Variants in TMEM214 observed in about 807,000 individuals in gnomAD.
TMEM214 encodes the protein transmembrane protein 214.
TMEM214 carries 71 observed loss-of-function variants against 89.8 expected under a neutral mutation model. The observed-to-expected ratio is 0.79, with a 90% CI of 0.65 to 0.96. The LOEUF is 0.96. Ranked by LOEUF, TMEM214 falls within the 40% of genes least tolerant of loss-of-function variation. The pLI, the probability that TMEM214 is intolerant of heterozygous loss-of-function variation, is 0.00. For missense variants in TMEM214, 754 were observed against 843.4 expected (o/e 0.89, Z 1.31); for synonymous variants, 332 against 349.5 (o/e 0.95, Z 0.56).
chr2:27,040,833 A>G lies in TMEM214; in HGVS notation c.2066A>G (p.Gln689Arg). 6.2e-7 allele frequency: 1 copy of G among 1,613,356 alleles called. No homozygotes were observed. Residue 689 changes from glutamine (Q) to arginine (R), a missense_variant, in exon 17 of 17, where the codon CAG becomes CGG. Gln to Arg is a conservative substitution (Grantham distance 43). Coordinates refer to ENST00000238788, the MANE Select transcript of TMEM214 (RefSeq NM_017727.5). Reference sequence around the variant, plus strand: ...TGGGCACTTGCCCTGATATCCCAGCAGTAGGCCCTGCCTTCCTGGCCACTG... The same window carrying G: ...TGGGCACTTGCCCTGATATCCCAGCGGTAGGCCCTGCCTTCCTGGCCACTG... ...LDWALALISQ[Q>R]
At position 27,037,267 on chromosome 2, in the gene TMEM214, C is replaced by G. The variant is rs138405054; in HGVS notation, c.1010+89C>G. 19 of 1,193,242 alleles carry G rather than the reference C, an allele frequency of 1.6e-5. No individual in the cohort carries two copies. The African/African-American group carries it at 2.1e-4, about 13-fold the overall frequency. The allele number at this position is 1,193,242 out of a possible 1,614,324, so 73.9% of individuals were successfully genotyped here. A position where few individuals can be genotyped will look rare whatever the true frequency, so the allele number is the denominator to read the frequency against. On this transcript the variant is annotated intron_variant, in intron 8 of 16. Coordinates refer to ENST00000238788, the MANE Select transcript of TMEM214 (RefSeq NM_017727.5). ...TCCCGTCTCTCCTTCCCCAGCCATCCTAGATCTGAGATTTGCAACCTGGAA... is the reference window on the plus strand; with the variant it reads ...TCCCGTCTCTCCTTCCCCAGCCATCGTAGATCTGAGATTTGCAACCTGGAA...
At chr2:27,039,665 C>T in intron 13 of TMEM214, 76 bp from the exon 14 acceptor site, 1 of 1,286,988 alleles carries the variant, frequency 7.8e-7, no homozygotes, top group Non-Finnish European at 1.1e-6. Context: ...TGTGCCTGCT[C>T]TGGGCCCTGT....
intron 1 of TMEM214, among the ~76,000 whole-genome samples, chr2:27,033,446 C>T (rs1385071668): frequency 6.6e-6 from 1 of 152,202 alleles, no homozygotes. Flanking sequence ...TCACTGCACA[C>T]ACTCTCCCAG....
At chr2:27,035,793 C>T in intron 4 of TMEM214, 65 bp downstream of exon 4, 1 of 1,609,002 alleles carries the variant, frequency 6.2e-7, no homozygotes, top group Non-Finnish European at 8.5e-7. Flanking sequence ...GCTTCCAGTA[C>T]CACTCAGTGG....
rs1388403253 is a variant in TMEM214, at chr2:27,033,088, G to A, written c.73G>A (p.Gly25Ser). ...GGGTCGGCGGCCTGGGGTCGGCGCC[G>A]GCGCCGGCGGCCGAGGAGGCGGCAG... ...KKGRRPGVGA[G>S]AGGRGGGRNR... Residue 25 changes from glycine to serine, a missense_variant, in exon 1 of 17, where the codon GGC becomes AGC. Transcript: ENST00000238788. 6 of 1,238,286 alleles carry A rather than the reference G, an allele frequency of 4.8e-6. No homozygotes were observed. The highest frequency in any genetic ancestry group is 5.1e-6 in the Non-Finnish European group (5 of 981,984). The allele number at this position is 1,238,286 out of a possible 1,614,324, so 76.7% of individuals were successfully genotyped here. A position where few individuals can be genotyped will look rare whatever the true frequency, so the allele number is the denominator to read the frequency against.
In TMEM214 at chr2:27,035,657, C is replaced by T. The variant is rs202006590; in HGVS notation, c.566C>T (p.Ala189Val). 3 of 1,614,210 alleles carry T rather than the reference C, an allele frequency of 1.9e-6. No homozygotes were observed. ...RGIIRGLLAKAAGSLELFFDH... is the reference protein window; with the variant it reads ...RGIIRGLLAKVAGSLELFFDH... ...ATCATCCGAGGGCTGCTGGCGAAGGCAGCAGGGTCTCTGGAGCTCTTTTTT... is the reference window on the plus strand; with the variant it reads ...ATCATCCGAGGGCTGCTGGCGAAGGTAGCAGGGTCTCTGGAGCTCTTTTTT... The change falls in exon 4 of 17, where the codon GCA becomes GTA. Residue 189 changes from alanine (A) to valine (V), a missense_variant. By Grantham distance (64) the Ala-to-Val change is moderately conservative (BLOSUM62 0). Transcript: ENST00000238788.
intron 1 of TMEM214, among the ~76,000 whole-genome samples, chr2:27,033,851 C>T (rs1263449267): frequency 6.6e-6 from 1 of 152,066 alleles, no homozygotes. Context: ...ACTGCCCCAT[C>T]TTTATGAAAG....
Position 27,034,285 on chromosome 2 carries a change from G to A in TMEM214, c.351+19G>A, listed in dbSNP as rs754807064. 11 of 1,611,472 alleles carry A rather than the reference G, an allele frequency of 6.8e-6. No individual in the cohort carries two copies. Among genetic ancestry groups the A allele is most frequent in the Admixed American group, 1.7e-5 (1 of 59,674 alleles). On this transcript the variant is annotated intron_variant, in intron 2 of 16. Transcript: ENST00000238788. ...GAAAGCTGTGAGTGTGCCTAGACATGAGACGCAGAAAGAATGGGGGCTTGA... is the reference window on the plus strand; with the variant it reads ...GAAAGCTGTGAGTGTGCCTAGACATAAGACGCAGAAAGAATGGGGGCTTGA...
chr2:27,035,972 G>C lies in TMEM214; in HGVS notation c.640G>C (p.Glu214Gln), dbSNP rs367766864. The C allele has an allele frequency of 1.2e-6, 2 of 1,614,122 alleles. No homozygotes were observed. The highest frequency in any genetic ancestry group is 1.7e-6 in the Non-Finnish European group (2 of 1,180,002). Residue 214 changes from glutamate to glutamine, a missense_variant and splice_region_variant, in exon 5 of 17, where the codon GAG becomes CAG. Physicochemically the swap from Glu to Gln is conservative, Grantham distance 29. Transcript: ENST00000238788. ...TGTGAGAATGTGTATCTCTCCAGGG[G>C]AGTCACTACATGGTTACCGCATCTG... ...MLQELDKTPG[E>Q]SLHGYRICIQ... is the part of the protein sequence containing the mutation.
chr2:27,035,223 G>T lies in TMEM214; in HGVS notation c.440G>T (p.Ser147Ile). 1 of 1,614,216 alleles carries T rather than the reference G, an allele frequency of 6.2e-7. No homozygotes were observed. Among genetic ancestry groups the T allele is most frequent in the Non-Finnish European group, 8.5e-7 (1 of 1,180,046 alleles). ...NPSIWLKDLA[S>I]YLNYKLQAPL... ...TCCATATGGTTGAAGGACCTGGCCAGCTATCTCAACTACAAGCTACAAGCT... is the reference window on the plus strand; with the variant it reads ...TCCATATGGTTGAAGGACCTGGCCATCTATCTCAACTACAAGCTACAAGCT... The change falls in exon 3 of 17, where the codon AGC becomes ATC. Residue 147 changes from serine (S) to isoleucine (I), a missense_variant. Coordinates refer to ENST00000238788, the MANE Select transcript of TMEM214 (RefSeq NM_017727.5).
In TMEM214 at chr2:27,038,151, G is replaced by T; in HGVS notation, c.1158G>T (p.Leu386=). ...SCPPEMKKEL[L]SSLTECLTVD... is the part of the protein sequence containing the mutation. ...CCCTCTGTCGTGCTGTGCAGCTCCTGAGCAGCCTGACTGAGTGCCTGACGG... is the reference window on the plus strand; with the variant it reads ...CCCTCTGTCGTGCTGTGCAGCTCCTTAGCAGCCTGACTGAGTGCCTGACGG... The change falls in exon 10 of 17, where the codon CTG becomes CTT. Residue 386 remains leucine, a synonymous_variant. Transcript: ENST00000238788. This position sits in a 1 kb window ranked among gnomAD's most constrained non-coding sequence, Gnocchi z 4.4. 1 of 1,614,132 alleles carries T rather than the reference G, an allele frequency of 6.2e-7. No individual in the cohort carries two copies. The highest frequency in any genetic ancestry group is 1.1e-5 in the South Asian group (1 of 91,076).
intron 3 of TMEM214, 135 bp from the exon 4 acceptor site, chr2:27,035,459 C>T: frequency 5.7e-6 from 8 of 1,413,942 alleles, no homozygotes; most frequent in South Asian, 1.3e-5. Context: ...TCCCTCTGGG[C>T]CTCCTCAGAG....
Position 27,040,164 on chromosome 2 carries a change from G to A in TMEM214, c.1757G>A (p.Trp586Ter), listed in dbSNP as rs1667769399. The A allele has an allele frequency of 6.2e-7, 1 of 1,606,962 alleles. No individual in the cohort carries two copies. The highest frequency in any genetic ancestry group is 1.1e-5 in the South Asian group (1 of 91,080). Residue 586 changes from tryptophan to a stop codon, truncating the protein, a stop_gained, in exon 15 of 17, where the codon TGG (tryptophan) becomes TAG (stop). Transcript: ENST00000238788. LOFTEE classifies it high-confidence loss of function. ...LSAHCASHLA[W>*]FGDSLTSLSQ... ...GCCCACTGTGCCTCTCACCTTGCGT[G>A]GTTTGGTGACAGTCTCACCAGTCTC...
chr2:27,033,867 A>G (rs964378775), intron 1 of TMEM214, among the ~76,000 whole-genome samples, 200 bp from the exon 2 acceptor site: 1 of 152,064 alleles, frequency 6.6e-6, no homozygotes, highest in African/African-American at 2.4e-5. Context: ...GAAAGAGCCC[A>G]TAGACTCAAG....
In TMEM214 at chr2:27,033,198, C is replaced by T. The variant is rs951340119; in HGVS notation, c.151+32C>T. The T allele has an allele frequency of 4.4e-5, 55 of 1,246,404 alleles. No homozygotes were observed. In the East Asian group the frequency reaches 1.5e-3, roughly 34 times the overall value. The allele number at this position is 1,246,404 out of a possible 1,614,324, so 77.2% of individuals were successfully genotyped here. Reference sequence around the variant, plus strand: ...ACCCGCCCTGCCCCGCCGCCTACCCCAGGCCTGTCCGGCAGGGTCGCAGCG... The same window carrying T: ...ACCCGCCCTGCCCCGCCGCCTACCCTAGGCCTGTCCGGCAGGGTCGCAGCG... On this transcript the variant is annotated intron_variant, in intron 1 of 16. Coordinates refer to ENST00000238788, the MANE Select transcript of TMEM214 (RefSeq NM_017727.5).
chr2:27,040,312 A>C, intron 15 of TMEM214, 33 bp from the exon 16 acceptor site: 5 of 1,613,228 alleles, frequency 3.1e-6, no homozygotes, highest in Non-Finnish European at 4.2e-6. Flanking sequence ...AGTTCCCTGG[A>C]TACTCTGACC....
intron 4 of TMEM214, 117 bp from the exon 5 acceptor site, chr2:27,035,853 G>T: frequency 6.3e-7 from 1 of 1,580,822 alleles, no homozygotes; most frequent in Non-Finnish European, 8.7e-7. Flanking sequence ...TTTGGAAAGT[G>T]TGGAGGAAGT....
At position 27,040,019 on chromosome 2, in the gene TMEM214, A is replaced by G. The variant is rs760620151; in HGVS notation, c.1623-11A>G. 12 of 1,601,052 alleles carry G rather than the reference A, an allele frequency of 7.5e-6. No individual in the cohort carries two copies. Among genetic ancestry groups the G allele is most frequent in the Non-Finnish European group, 1.0e-5 (12 of 1,177,204 alleles). On this transcript the variant is annotated splice_polypyrimidine_tract_variant and intron_variant, in intron 14 of 16. Coordinates refer to ENST00000238788, the MANE Select transcript of TMEM214 (RefSeq NM_017727.5). ...CTCAGAGCCCTCTTCCCCCACTTCC[A>G]TCTTCCACAGCTGGCTGGGGGAGAC...
Position 27,036,744 on chromosome 2 carries a change from C to T in TMEM214, c.866C>T (p.Ser289Phe). 1 of 1,614,160 alleles carries T rather than the reference C, an allele frequency of 6.2e-7. No individual in the cohort carries two copies. Among genetic ancestry groups the T allele is most frequent in the Non-Finnish European group, 8.5e-7 (1 of 1,180,032 alleles). ...ATGCTGCCTGTGCTGGGCATCAAGTCTCTGTCTCCCTTTGCCATCACATAC... is the reference window on the plus strand; with the variant it reads ...ATGCTGCCTGTGCTGGGCATCAAGTTTCTGTCTCCCTTTGCCATCACATAC... The part of the protein sequence containing the change: ...GIMLPVLGIK[S>F]LSPFAITYLD... Residue 289 changes from serine to phenylalanine, a missense_variant, in exon 7 of 17, where the codon TCT (serine) becomes TTT (phenylalanine). Ser to Phe is a radical substitution (Grantham distance 155). Coordinates refer to ENST00000238788, the MANE Select transcript of TMEM214 (RefSeq NM_017727.5).
Sources: gnomAD v4.1 joint callset for allele counts (sites outside exome capture counted in the v4.1 genomes callset) on GRCh38, gnomAD v4.1.1 for gene constraint, Gnocchi (gnomAD v3.1) non-coding constraint, MANE v1.5 for transcripts, NCBI Gene and HGNC (gene_info 2026-07-23, HGNC 2026-07-21) for gene names.